PEAK1: variants seen among roughly 807,000 people sequenced by gnomAD.
PEAK1 encodes pseudopodium enriched atypical kinase 1.
Under a neutral mutation model 124.7 loss-of-function variants are expected in PEAK1, and 54 were observed. That is an observed-to-expected ratio of 0.43 (90% CI 0.35 to 0.54). The LOEUF is 0.54. Among genes scored for constraint, PEAK1 ranks in the 20% least tolerant of loss-of-function variants. The pLI, the probability that PEAK1 is intolerant of heterozygous loss-of-function variation, is 0.01. For synonymous variants in PEAK1, 719 were observed against 760.0 expected (o/e 0.95, Z 0.89); for missense variants, 2,046 against 2,134.5 (o/e 0.96, Z 0.82).
intron 5 of PEAK1, among the ~76,000 whole-genome samples, chr15:77,254,111 C>A (rs371139014): frequency 6.6e-6 from 1 of 152,074 alleles, no homozygotes; most frequent in Admixed American, 6.6e-5. Context: ...TGAGCCACTG[C>A]GCCTGGCCTA....
At chr15:77,420,430 C>G (rs1360197419), upstream of PEAK1, 1 of 154,180 alleles carries the variant, frequency 6.5e-6, no homozygotes, top group African/African-American at 2.4e-5. Context: ...GCGGGGCTGC[C>G]GAGACCTTGG....
At chr15:77,249,104 G>A (rs2060726066) in intron 6 of PEAK1, among the ~76,000 whole-genome samples, 2 of 151,984 alleles carry the variant, frequency 1.3e-5, no homozygotes, top group South Asian at 4.2e-4. Context: ...TTACAGGCGT[G>A]AGCCATGGTG....
intron 2 of PEAK1, among the ~76,000 whole-genome samples, chr15:77,310,509 G>A (rs2064371935): frequency 1.3e-5 from 2 of 152,142 alleles, no homozygotes; most frequent in African/African-American, 4.8e-5. Flanking sequence ...GTGCTGACAA[G>A]AGCCACATTT....
At chr15:77,265,832 A>G (rs957287431) in intron 5 of PEAK1, among the ~76,000 whole-genome samples, 2 of 152,094 alleles carry the variant, frequency 1.3e-5, no homozygotes, top group Non-Finnish European at 2.9e-5. Flanking sequence ...CACTATTCAC[A>G]ATAGCAAAGA....
At position 77,403,867 on chromosome 15, in the gene PEAK1, T is replaced by C. The variant is rs908336964; in HGVS notation, c.-666+16139A>G. 3.4e-5 allele frequency: 33 copies of C among 984,724 alleles called. No individual in the cohort carries two copies. The African/African-American group carries it at 5.1e-4, about 15-fold the overall frequency. 61.0% of individuals were successfully genotyped at this position (984,724 alleles called of 1,614,324 possible). A position where few individuals can be genotyped will look rare whatever the true frequency, so the allele number is the denominator to read the frequency against. ...TGCCCATGCCACATATTTATTACAA[T>C]GCCACAAATTCATTTTAGAAACAGA... On this transcript the variant is annotated intron_variant, in intron 1 of 9. Coordinates refer to ENST00000682557, the MANE Select transcript of PEAK1 (RefSeq NM_001385026.1).
intron 6 of PEAK1, among the ~76,000 whole-genome samples, chr15:77,182,979 AATCTAT>A (rs2057362931): frequency 6.6e-6 from 1 of 152,116 alleles, no homozygotes; most frequent in Admixed American, 6.6e-5. Flanking sequence ...TAAAATCTAG[AATCTAT>A]ATGAGCAAAA....
At chr15:77,255,358 T>A (rs1444333008) in intron 5 of PEAK1, 1 of 981,850 alleles carries the variant, frequency 1.0e-6, no homozygotes, top group Non-Finnish European at 1.2e-6. Context: ...CTCCATTTAT[T>A]CCAAGCTTCT....
Position 77,402,733 on chromosome 15 carries a change from C to T in PEAK1, c.-666+17273G>A, listed in dbSNP as rs2071480617. 6 of 985,092 alleles carry T rather than the reference C, an allele frequency of 6.1e-6. No homozygotes were observed. In the South Asian group the frequency reaches 2.8e-4, roughly 46 times the overall value. The allele number at this position is 985,092 out of a possible 1,614,324, so 61.0% of individuals were successfully genotyped here. A position where few individuals can be genotyped will look rare whatever the true frequency, so the allele number is the denominator to read the frequency against. ...CTGCTTTCTAAAGTTCTCATTTATT[C>T]CCAGGAAACAATAAAGCAGACTTTC... On this transcript the variant is annotated intron_variant, in intron 1 of 9. Coordinates refer to ENST00000682557, the MANE Select transcript of PEAK1 (RefSeq NM_001385026.1).
intron 9 of PEAK1, among the ~76,000 whole-genome samples, chr15:77,125,981 T>A (rs1212651464): frequency 2.0e-5 from 3 of 152,240 alleles, no homozygotes; most frequent in African/African-American, 7.2e-5. Context: ...GTGCTGTTTA[T>A]AATTGGTACT....
chr15:77,165,459 A>G (rs937897274), intron 7 of PEAK1, among the ~76,000 whole-genome samples: 1 of 152,164 alleles, frequency 6.6e-6, no homozygotes, highest in African/African-American at 2.4e-5. Flanking sequence ...AGCCACCCAA[A>G]GTACTTGGAC....
intron 2 of PEAK1, among the ~76,000 whole-genome samples, chr15:77,360,429 CAGAAT>C (rs2067812894): frequency 6.6e-6 from 1 of 152,154 alleles, no homozygotes; most frequent in East Asian, 1.9e-4. Flanking sequence ...AAAAGACCCA[CAGAAT>C]AGGAGAAAAT....
At chr15:77,376,192 T>C (rs1049381242) in intron 1 of PEAK1, among the ~76,000 whole-genome samples, 1 of 151,928 alleles carries the variant, frequency 6.6e-6, no homozygotes, top group Non-Finnish European at 1.5e-5. Context: ...TAAATGAGCA[T>C]GAATAAAAAA....
At chr15:77,342,608 T>G (rs542116016) in intron 2 of PEAK1, among the ~76,000 whole-genome samples, 7 of 152,142 alleles carry the variant, frequency 4.6e-5, no homozygotes, top group African/African-American at 1.4e-4. Context: ...AGGGTCTCAC[T>G]ATGTTGCCCA....
chr15:77,340,175 T>A (rs972453385), intron 2 of PEAK1, among the ~76,000 whole-genome samples: 1 of 152,230 alleles, frequency 6.6e-6, no homozygotes, highest in Non-Finnish European at 1.5e-5. Flanking sequence ...TGCATGCAAA[T>A]GTTTATAGAA....
chr15:77,232,475 A>G (rs1301783453), intron 6 of PEAK1, among the ~76,000 whole-genome samples: 1 of 152,142 alleles, frequency 6.6e-6, no homozygotes, highest in African/African-American at 2.4e-5. Flanking sequence ...CCAATCTTCT[A>G]GTCTTCTCAA....
chr15:77,397,983 T>A (rs1478203743), intron 1 of PEAK1, among the ~76,000 whole-genome samples: 1 of 152,212 alleles, frequency 6.6e-6, no homozygotes, highest in Non-Finnish European at 1.5e-5. Flanking sequence ...GAGAATCGCT[T>A]GAACCCAGGA....
At chr15:77,311,336 G>C (rs2064427022) in intron 2 of PEAK1, among the ~76,000 whole-genome samples, 1 of 152,158 alleles carries the variant, frequency 6.6e-6, no homozygotes, top group Non-Finnish European at 1.5e-5. Context: ...GGAGTAGTAA[G>C]AATTTCAGGG....
intron 2 of PEAK1, among the ~76,000 whole-genome samples, chr15:77,313,724 G>GTATATATATATATA (rs1243000462): frequency 9.2e-6 from 1 of 108,304 alleles, no homozygotes; most frequent in African/African-American, 3.6e-5. Context: ...GTGTGTGTGT[G>GTATATATATATATA]TGTATATATA....
At chr15:77,302,277 C>T (rs375498200) in intron 2 of PEAK1, among the ~76,000 whole-genome samples, 2 of 152,130 alleles carry the variant, frequency 1.3e-5, no homozygotes, top group Non-Finnish European at 1.5e-5. Flanking sequence ...TAAATATGTA[C>T]ACTAACCTGT....
Sources: allele counts gnomAD v4.1 joint callset (sites outside exome capture counted in the v4.1 genomes callset), GRCh38; gene constraint gnomAD v4.1.1; transcripts MANE v1.5; gene names NCBI Gene and HGNC (gene_info 2026-07-23, HGNC 2026-07-21).